The following SMARCC1 variants were observed in gnomAD, a reference collection of about 807,000 sequenced individuals.
The protein encoded by SMARCC1 is SWI/SNF complex subunit SMARCC1.
Under a neutral mutation model 147.4 loss-of-function variants are expected in SMARCC1, and 43 were observed. The observed-to-expected ratio is 0.29, with a 90% CI of 0.23 to 0.38. The LOEUF (loss-of-function observed/expected upper bound fraction) is 0.38. Ranked by LOEUF, SMARCC1 falls within the 10% of genes least tolerant of loss-of-function variation. The pLI, the probability that SMARCC1 is intolerant of heterozygous loss-of-function variation, is 1.00. For synonymous variants in SMARCC1, 495 were observed against 484.4 expected (o/e 1.02, Z -0.29); for missense variants, 1,119 against 1,381.1 (o/e 0.81, Z 3.01).
chr3:47,710,602 G>T, intron 9 of SMARCC1, 81 bp downstream of exon 9: 3 of 1,448,700 alleles, frequency 2.1e-6, no homozygotes, highest in Non-Finnish European at 2.8e-6. Context: ...GTTTGTATAT[G>T]ACAGCTTACT....
At chr3:47,617,999 ATTGG>A in intron 25 of SMARCC1, among the ~76,000 whole-genome samples, 1 of 152,114 alleles carries the variant, frequency 6.6e-6, no homozygotes, top group Admixed American at 6.6e-5. Flanking sequence ...AACTAATACA[ATTGG>A]ATTATTGACA....
intron 2 of SMARCC1, among the ~76,000 whole-genome samples, chr3:47,749,466 T>A (rs987998619): frequency 7.9e-5 from 12 of 151,138 alleles, no homozygotes; most frequent in Non-Finnish European, 1.6e-4. Context: ...TTCAAGACCA[T>A]CCTGGGCAAC....
chr3:47,752,494 A>G (rs2034639707), intron 2 of SMARCC1, among the ~76,000 whole-genome samples: 1 of 152,190 alleles, frequency 6.6e-6, no homozygotes, highest in Non-Finnish European at 1.5e-5. Flanking sequence ...AACCTAAAGA[A>G]TAAAAAGGCA....
chr3:47,696,080 G>C (rs1369005106), intron 11 of SMARCC1, among the ~76,000 whole-genome samples: 3 of 26,684 alleles, frequency 1.1e-4, no homozygotes, highest in Non-Finnish European at 2.6e-4. Flanking sequence ...AAAAAAAAGG[G>C]GGGGGGGGGG....
chr3:47,618,380 TAA>T (rs771191211), intron 25 of SMARCC1, among the ~76,000 whole-genome samples: 6 of 137,990 alleles, frequency 4.3e-5, no homozygotes, highest in Non-Finnish European at 6.3e-5. Context: ...TGTCAATATT[TAA>T]AAAAAAAAAA....
At chr3:47,748,594 A>C (rs1192280333) in intron 2 of SMARCC1, among the ~76,000 whole-genome samples, 1 of 152,152 alleles carries the variant, frequency 6.6e-6, no homozygotes, top group Non-Finnish European at 1.5e-5. Context: ...AATCTATGCC[A>C]CAATTCAAGA....
chr3:47,644,427 T>C (rs1349206702), intron 21 of SMARCC1, among the ~76,000 whole-genome samples: 2 of 152,030 alleles, frequency 1.3e-5, no homozygotes, highest in African/African-American at 4.8e-5. Context: ...GCCTAGGTGT[T>C]TGAGACTGCA....
At position 47,661,447 on chromosome 3, in the gene SMARCC1, A is replaced by G; in HGVS notation, c.2167T>C (p.Ser723Pro). The change falls in exon 21 of 28, where the codon TCT becomes CCT. Residue 723 changes from serine to proline, a missense_variant. Around this residue, in one of 6 missense-constraint regions of SMARCC1, gnomAD observed 178 missense variants for 264.6 expected, o/e 0.67. Transcript: ENST00000254480. ...AAAKAALEEFSRVREEVPLEL... is the reference protein window; with the variant it reads ...AAAKAALEEFPRVREEVPLEL... ...AGTGGTACCTCCTCCCGGACCCGAG[A>G]AAACTCCTCTGGTTCAAGAATAAAA... 6.2e-7 allele frequency: 1 copy of G among 1,603,038 alleles called. No individual in the cohort carries two copies. Among genetic ancestry groups the G allele is most frequent in the Non-Finnish European group, 8.5e-7 (1 of 1,177,104 alleles).
intron 14 of SMARCC1, among the ~76,000 whole-genome samples, chr3:47,684,291 G>A (rs899129462): frequency 1.3e-5 from 2 of 150,948 alleles, no homozygotes; most frequent in South Asian, 2.1e-4. Context: ...AACTATGCTC[G>A]AAGCATGCCA....
At chr3:47,735,835 T>C (rs545017580) in intron 5 of SMARCC1, among the ~76,000 whole-genome samples, 199 bp downstream of exon 5, 4 of 151,198 alleles carry the variant, frequency 2.6e-5, no homozygotes, top group East Asian at 3.9e-4. Flanking sequence ...GATAGTGCCA[T>C]TGCATTCCAG....
At chr3:47,721,964 G>T (rs1288005888) in intron 6 of SMARCC1, among the ~76,000 whole-genome samples, 1 of 152,164 alleles carries the variant, frequency 6.6e-6, no homozygotes, top group Admixed American at 6.5e-5. Flanking sequence ...GCTGCAATGG[G>T]CTATTAATAA....
At chr3:47,679,088 T>A (rs1459058348) in intron 15 of SMARCC1, among the ~76,000 whole-genome samples, 1 of 151,836 alleles carries the variant, frequency 6.6e-6, no homozygotes, top group Non-Finnish European at 1.5e-5. Flanking sequence ...ATATAGTACT[T>A]AACAACAAGA....
intron 2 of SMARCC1, among the ~76,000 whole-genome samples, chr3:47,753,068 G>A (rs1404025264): frequency 6.6e-6 from 1 of 152,076 alleles, no homozygotes; most frequent in Non-Finnish European, 1.5e-5. Context: ...AATCTAGGCC[G>A]GGCACTACGG....
intron 2 of SMARCC1, among the ~76,000 whole-genome samples, chr3:47,751,252 A>G (rs1454716282): frequency 6.6e-6 from 1 of 152,112 alleles, no homozygotes; most frequent in African/African-American, 2.4e-5. Context: ...AATGAAGTAG[A>G]AAACAGATGG....
chr3:47,610,350 A>C, intron 25 of SMARCC1, 23 bp from the exon 26 acceptor site: 1 of 1,613,802 alleles, frequency 6.2e-7, no homozygotes, highest in Non-Finnish European at 8.5e-7. Context: ...GAAGTGGAAG[A>C]GAAATGACAC....
At chr3:47,596,326 T>C (rs1384679087) in intron 26 of SMARCC1, among the ~76,000 whole-genome samples, 2 of 151,890 alleles carry the variant, frequency 1.3e-5, no homozygotes, top group African/African-American at 4.8e-5. Context: ...TCCCAGCACT[T>C]TGGGAGGGCA....
intron 22 of SMARCC1, among the ~76,000 whole-genome samples, chr3:47,638,097 G>T (rs542894481): frequency 1.1e-4 from 16 of 152,108 alleles, no homozygotes; most frequent in Admixed American, 1.3e-4. Context: ...CACAACTTTT[G>T]TTGTTGTTGT....
intron 1 of SMARCC1, among the ~76,000 whole-genome samples, chr3:47,779,233 A>G (rs1266375681): frequency 1.3e-5 from 2 of 152,106 alleles, no homozygotes; most frequent in African/African-American, 4.8e-5. Flanking sequence ...CCCTGTCTCA[A>G]AAAAATAAAG....
chr3:47,781,138 T>C (rs2106887221), intron 1 of SMARCC1, among the ~76,000 whole-genome samples: 1 of 152,308 alleles, frequency 6.6e-6, no homozygotes, highest in South Asian at 2.1e-4. Context: ...GAATTCATAT[T>C]GCCTGTTATT....
Sources: gnomAD v4.1 joint callset for allele counts (sites outside exome capture counted in the v4.1 genomes callset) on GRCh38, gnomAD v4.1.1 for gene constraint, gnomAD v4.1.1 regional missense constraint, MANE v1.5 for transcripts, NCBI Gene and HGNC (gene_info 2026-07-23, HGNC 2026-07-21) for gene names.